MEP1B: variants seen among roughly 807,000 people sequenced by gnomAD.
MEP1B encodes the protein meprin A subunit beta, also known as N-benzoyl-L-tyrosyl-P-amino-benzoic acid hydrolase subunit beta.
MEP1B carries 80 observed loss-of-function variants against 84.6 expected under a neutral mutation model. That is an observed-to-expected ratio of 0.95 (90% CI 0.79 to 1.14). The LOEUF is 1.14. Among genes scored for constraint, MEP1B ranks in the 50% most tolerant of loss-of-function variants. MEP1B has a pLI of 0.00. For missense variants in MEP1B, 766 were observed against 855.1 expected (o/e 0.90, Z 1.30); for synonymous variants, 273 against 288.1 (o/e 0.95, Z 0.53).
intron 12 of MEP1B, among the ~76,000 whole-genome samples, chr18:32,216,020 CTT>C (rs1555708082): frequency 2.7e-5 from 3 of 109,850 alleles, no homozygotes; most frequent in Admixed American, 9.7e-5. Context: ...ATATATATAT[CTT>C]GACAGAAATG....
chr18:32,203,180 T>C (rs1781496559), intron 6 of MEP1B, 170 bp downstream of exon 6: 6 of 518,348 alleles, frequency 1.2e-5, no homozygotes, highest in Non-Finnish European at 1.7e-5. Flanking sequence ...ACATAGAAAT[T>C]ATATTCCCAT....
intron 1 of MEP1B, among the ~76,000 whole-genome samples, chr18:32,191,587 T>C (rs531628872): frequency 6.6e-6 from 1 of 152,164 alleles, no homozygotes; most frequent in African/African-American, 2.4e-5. Flanking sequence ...TCTTGTTTCC[T>C]TCACCTTCAA....
At chr18:32,207,710 G>C (rs1005794006) in intron 8 of MEP1B, among the ~76,000 whole-genome samples, 2 of 152,160 alleles carry the variant, frequency 1.3e-5, no homozygotes, top group African/African-American at 4.8e-5. Flanking sequence ...ATATGCCTCA[G>C]GCAAGTTTTT....
At chr18:32,209,414 G>C (rs1028630284) in intron 9 of MEP1B, among the ~76,000 whole-genome samples, 1 of 151,948 alleles carries the variant, frequency 6.6e-6, no homozygotes, top group Non-Finnish European at 1.5e-5. Flanking sequence ...TTGAACCCGG[G>C]GGGCAGAGGT....
Position 32,196,304 on chromosome 18 carries a change from T to C in MEP1B, c.250+819T>C. ...GTGAAGTTGAGGGGCGGGATGTTGT[T>C]GCTGGAGCCGTTGCGGTAGATCTCA... On this transcript the variant is annotated intron_variant, in intron 5 of 14. Transcript: ENST00000269202. This position sits in a 1 kb window ranked among gnomAD's most constrained non-coding sequence, Gnocchi z 4.4. 1.4e-6 allele frequency: 1 copy of C among 705,774 alleles called. No homozygotes were observed. The highest frequency in any genetic ancestry group is 2.6e-6 in the Non-Finnish European group (1 of 377,488). 43.7% of individuals were successfully genotyped at this position (705,774 alleles called of 1,614,324 possible).
In MEP1B at chr18:32,210,605, C is replaced by T. The variant is rs938163869; in HGVS notation, c.1024C>T (p.Gln342Ter). ...CCCTAAAAGAGGATTTCAGTGCCTG[C>T]AATTTTACTTATATAACAGTGGCAG... The part of the protein sequence containing the change: ...LYPKRGFQCL[Q>*]FYLYNSGSES... Residue 342 changes from glutamine (Q) to a stop codon, truncating the protein, a stop_gained, in exon 10 of 15, where the codon CAA (glutamine) becomes TAA (stop). Transcript: ENST00000269202. LOFTEE classifies it high-confidence loss of function. The T allele has an allele frequency of 4.3e-6, 7 of 1,613,976 alleles. No homozygotes were observed. In the South Asian group the frequency reaches 5.5e-5, roughly 13 times the overall value.
intron 9 of MEP1B, among the ~76,000 whole-genome samples, chr18:32,209,795 G>T (rs1197516658): frequency 7.2e-6 from 1 of 138,372 alleles, no homozygotes; most frequent in African/African-American, 3.0e-5. Flanking sequence ...AGCCAAAGAA[G>T]TTAGAAAGTG....
In MEP1B at chr18:32,193,314, T is replaced by A. The variant is rs530719768; in HGVS notation, c.171+497T>A. ...GTGCTGATTCTCATCTAAGTCATCATGCCACACAGATAAACACAAGAACCT... is the reference window on the plus strand; with the variant it reads ...GTGCTGATTCTCATCTAAGTCATCAAGCCACACAGATAAACACAAGAACCT... On this transcript the variant is annotated intron_variant, in intron 4 of 14. Transcript: ENST00000269202. 2.6e-5 allele frequency among the ~76,000 whole-genome samples: 4 copies of A among 152,324 alleles called. No individual in the cohort carries two copies. The East Asian group carries it at 7.7e-4, about 29-fold the overall frequency.
intron 8 of MEP1B, 71 bp downstream of exon 8, chr18:32,207,541 A>AT: frequency 9.2e-7 from 1 of 1,085,566 alleles, no homozygotes; most frequent in Non-Finnish European, 1.4e-6. Context: ...GGTCTGTGCC[A>AT]TTTTGTCAAG....
At chr18:32,209,222 C>T (rs560585366) in intron 9 of MEP1B, among the ~76,000 whole-genome samples, 187 of 152,334 alleles carry the variant, frequency 1.2e-3, no homozygotes, top group Non-Finnish European at 1.9e-3. Flanking sequence ...TGCAGTGGCT[C>T]ATGCCTGTAA....
chr18:32,211,141 G>A (rs1598895443), intron 10 of MEP1B, among the ~76,000 whole-genome samples: 1 of 152,074 alleles, frequency 6.6e-6, no homozygotes, highest in Admixed American at 6.6e-5. Context: ...GGTGGCACAC[G>A]CCTATAGTCC....
rs2144408315 is a variant in MEP1B, at chr18:32,207,176, C to G, written c.548-76C>G. On this transcript the variant is annotated intron_variant, in intron 7 of 14. Coordinates refer to ENST00000269202, the MANE Select transcript of MEP1B (RefSeq NM_005925.3). ...CTTGAGTTTATTATATTCTCCATTTCTAAGTGAGCAGTATTTGGAGTAAGA... is the reference window on the plus strand; with the variant it reads ...CTTGAGTTTATTATATTCTCCATTTGTAAGTGAGCAGTATTTGGAGTAAGA... The G allele has an allele frequency of 1.1e-5, 10 of 934,082 alleles. No homozygotes were observed. In the South Asian group the frequency reaches 1.6e-4, roughly 15 times the overall value. The allele number at this position is 934,082 out of a possible 1,614,324, so 57.9% of individuals were successfully genotyped here. A position where few individuals can be genotyped will look rare whatever the true frequency, so the allele number is the denominator to read the frequency against.
chr18:32,211,029 C>T (rs559139330), intron 10 of MEP1B, among the ~76,000 whole-genome samples: 23 of 152,192 alleles, frequency 1.5e-4, no homozygotes, highest in African/African-American at 4.1e-4. Flanking sequence ...TTTGGGAGGC[C>T]GAGGCGGTCG....
chr18:32,202,602 C>T (rs1219637841), intron 5 of MEP1B, among the ~76,000 whole-genome samples: 1 of 152,116 alleles, frequency 6.6e-6, no homozygotes, highest in Non-Finnish European at 1.5e-5. Context: ...GCCTGTGATC[C>T]AATGGATATG....
intron 14 of MEP1B, among the ~76,000 whole-genome samples, chr18:32,219,419 ATT>A (rs1397374078): frequency 2.0e-5 from 3 of 152,194 alleles, no homozygotes; most frequent in Non-Finnish European, 4.4e-5. Context: ...CTTTCAGCTT[ATT>A]TTATGACTCA....
chr18:32,203,686 A>C (rs1323366866), intron 6 of MEP1B, among the ~76,000 whole-genome samples: 2 of 152,158 alleles, frequency 1.3e-5, no homozygotes, highest in East Asian at 3.8e-4. Flanking sequence ...TACAGAAAAG[A>C]GGTTTAACTG....
At chr18:32,207,544 T>C in intron 8 of MEP1B, 74 bp downstream of exon 8, 3 of 996,186 alleles carry the variant, frequency 3.0e-6, no homozygotes, top group Non-Finnish European at 4.6e-6. Flanking sequence ...CTGTGCCATT[T>C]TGTCAAGCAT....
intron 5 of MEP1B, 87 bp downstream of exon 5, chr18:32,195,572 T>C (rs1030234341): frequency 1.9e-4 from 161 of 848,016 alleles, no homozygotes; most frequent in Non-Finnish European, 1.7e-4. Context: ...GCTTATATAG[T>C]CTTTAAGGTT....
chr18:32,213,888 T>G (rs1025859217), intron 11 of MEP1B, among the ~76,000 whole-genome samples: 2 of 152,206 alleles, frequency 1.3e-5, no homozygotes, highest in African/African-American at 4.8e-5. Flanking sequence ...TTCTCATTAG[T>G]TATGTAATCT....
Sources: gnomAD v4.1 joint callset for allele counts (sites outside exome capture counted in the v4.1 genomes callset) on GRCh38, gnomAD v4.1.1 for gene constraint, Gnocchi (gnomAD v3.1) non-coding constraint, MANE v1.5 for transcripts, NCBI Gene and HGNC (gene_info 2026-07-23, HGNC 2026-07-21) for gene names.